PTPN14: variants seen among roughly 807,000 people sequenced by gnomAD.
PTPN14 encodes the protein tyrosine-protein phosphatase non-receptor type 14.
A neutral mutation model predicts 126.8 loss-of-function variants in PTPN14; 53 were observed. The ratio of observed to expected loss-of-function variants is 0.42; its 90% confidence interval spans 0.34 to 0.53. The LOEUF is 0.53. Among genes scored for constraint, PTPN14 ranks in the 20% least tolerant of loss-of-function variants. The probability of loss-of-function intolerance (pLI) is 0.08; values close to 1 mark genes in which losing one functional copy is unlikely to be tolerated. For synonymous variants in PTPN14, 630 were observed against 599.3 expected (o/e 1.05, Z -0.75); for missense variants, 1,257 against 1,552.9 (o/e 0.81, Z 3.20).
At chr1:214,404,294 G>A (rs576541336) in intron 5 of PTPN14, among the ~76,000 whole-genome samples, 16 of 152,276 alleles carry the variant, frequency 1.1e-4, no homozygotes, top group Admixed American at 3.3e-4. Flanking sequence ...TAGAGCAGAC[G>A]GGGAATTATG....
At chr1:214,473,589 G>C (rs1660807346) in intron 1 of PTPN14, among the ~76,000 whole-genome samples, 1 of 152,160 alleles carries the variant, frequency 6.6e-6, no homozygotes, top group Non-Finnish European at 1.5e-5. Flanking sequence ...ATCTCACAGA[G>C]CTATGTAATC....
intron 16 of PTPN14, among the ~76,000 whole-genome samples, chr1:214,371,878 C>T (rs918607255): frequency 6.6e-6 from 1 of 152,128 alleles, no homozygotes; most frequent in Non-Finnish European, 1.5e-5. Flanking sequence ...TGACTTTTTC[C>T]TCCCCAATTT....
chr1:214,408,559 T>G (rs139021722), intron 5 of PTPN14, among the ~76,000 whole-genome samples: 2,606 of 152,302 alleles, frequency 0.017, 82 homozygotes, highest in African/African-American at 0.059. Flanking sequence ...GTGTGCCAGA[T>G]GACAGTGAAG....
chr1:214,398,401 G>A (rs1426775436), intron 7 of PTPN14, among the ~76,000 whole-genome samples: 1 of 152,128 alleles, frequency 6.6e-6, no homozygotes, highest in Non-Finnish European at 1.5e-5. Context: ...CTAAGTTCAA[G>A]GTATCATTGT....
intron 1 of PTPN14, chr1:214,533,490 C>A: frequency 4.2e-6 from 2 of 476,158 alleles, no homozygotes; most frequent in Non-Finnish European, 7.0e-6. Context: ...AAGCAGGGTA[C>A]CCTTTGGGGA....
intron 7 of PTPN14, among the ~76,000 whole-genome samples, chr1:214,400,215 T>G (rs1658983479): frequency 6.6e-6 from 1 of 152,250 alleles, no homozygotes; most frequent in Non-Finnish European, 1.5e-5. Context: ...TTTTCTTGTC[T>G]GCTTTTTCAC....
At chr1:214,410,623 T>C (rs1328446027) in intron 5 of PTPN14, among the ~76,000 whole-genome samples, 2 of 152,224 alleles carry the variant, frequency 1.3e-5, no homozygotes, top group East Asian at 3.8e-4. Flanking sequence ...TTGAATTTAC[T>C]TTTGTACAAA....
At chr1:214,433,927 C>A (rs955241724) in intron 3 of PTPN14, among the ~76,000 whole-genome samples, 1 of 15,532 alleles carries the variant, frequency 6.4e-5, no homozygotes, top group Admixed American at 6.0e-4. Context: ...TATTTCCACA[C>A]ACACACACAC....
chr1:214,496,727 C>A (rs1405587244), intron 1 of PTPN14, among the ~76,000 whole-genome samples: 2 of 152,012 alleles, frequency 1.3e-5, no homozygotes, highest in Non-Finnish European at 2.9e-5. Flanking sequence ...TCCTAAAGAA[C>A]AATTTATCCA....
intron 1 of PTPN14, among the ~76,000 whole-genome samples, chr1:214,517,505 AAAGT>A (rs1368260356): frequency 1.3e-5 from 2 of 151,342 alleles, no homozygotes; most frequent in East Asian, 1.9e-4. Context: ...AAAAAAACAT[AAAGT>A]AAGAAATACC....
chr1:214,496,351 T>C (rs1355905322), intron 1 of PTPN14, among the ~76,000 whole-genome samples: 1 of 152,158 alleles, frequency 6.6e-6, no homozygotes, highest in Non-Finnish European at 1.5e-5. Context: ...GTGTTAGGCT[T>C]AGCCCAGCTC....
At chr1:214,428,863 G>A (rs1659735756) in intron 3 of PTPN14, among the ~76,000 whole-genome samples, 1 of 152,096 alleles carries the variant, frequency 6.6e-6, no homozygotes, top group East Asian at 1.9e-4. Context: ...TTTAAAAATG[G>A]TCTTTGCAGT....
chr1:214,536,556 G>A (rs578212889), intron 1 of PTPN14, among the ~76,000 whole-genome samples: 13 of 151,906 alleles, frequency 8.6e-5, no homozygotes, highest in East Asian at 3.9e-4. Context: ...AAGCTGAGGC[G>A]GGAGGATCAC....
rs1027080561 is a variant in PTPN14 at position 214,357,030 on chromosome 1, A to C, written c.*892T>G. 2.0e-5 allele frequency: 3 copies of C among 152,184 alleles called. No individual in the cohort carries two copies. The highest frequency in any genetic ancestry group is 7.2e-5 in the African/African-American group (3 of 41,430). 9.4% of individuals were successfully genotyped at this position (152,184 alleles called of 1,614,324 possible). A position where few individuals can be genotyped will look rare whatever the true frequency, so the allele number is the denominator to read the frequency against. Reference sequence around the variant, plus strand: ...CTTTCTAGGTCTGCTATCCTCTCTCAATCAGGGTAGAGCCTTAACTGCACA... The same window carrying C: ...CTTTCTAGGTCTGCTATCCTCTCTCCATCAGGGTAGAGCCTTAACTGCACA... On this transcript the variant is annotated 3_prime_UTR_variant, in exon 19 of 19. Coordinates refer to ENST00000366956, the MANE Select transcript of PTPN14 (RefSeq NM_005401.5).
intron 1 of PTPN14, among the ~76,000 whole-genome samples, chr1:214,520,996 G>T (rs1221575347): frequency 6.6e-6 from 1 of 152,074 alleles, no homozygotes; most frequent in East Asian, 1.9e-4. Flanking sequence ...GATTCACAAT[G>T]CCTAACAGCT....
chr1:214,496,186 G>T (rs1056202793), intron 1 of PTPN14, among the ~76,000 whole-genome samples: 1 of 152,120 alleles, frequency 6.6e-6, no homozygotes, highest in African/African-American at 2.4e-5. Flanking sequence ...CTTTTGCTCT[G>T]CAGTATTTAT....
chr1:214,444,704 A>T (rs1237689023), intron 3 of PTPN14, among the ~76,000 whole-genome samples: 3 of 152,134 alleles, frequency 2.0e-5, no homozygotes. Context: ...TCACTTCCTG[A>T]AACCTAGTTT....
intron 1 of PTPN14, among the ~76,000 whole-genome samples, chr1:214,518,062 T>C (rs564173893): frequency 6.6e-6 from 1 of 152,358 alleles, no homozygotes; most frequent in East Asian, 1.9e-4. Flanking sequence ...TATCTTTTCA[T>C]AACCCCTGAG....
rs994739361 is a variant in PTPN14, at chr1:214,356,915, G to A, written c.*1007C>T. Reference sequence around the variant, plus strand: ...ACCTCAACTTTTAGGTCTCTGTCCAGCACACACATCTTATTTAAATAAAAA... The same window carrying A: ...ACCTCAACTTTTAGGTCTCTGTCCAACACACACATCTTATTTAAATAAAAA... On this transcript the variant is annotated 3_prime_UTR_variant, in exon 19 of 19. Transcript: ENST00000366956. 1 of 152,164 alleles carries A rather than the reference G, an allele frequency of 6.6e-6. No individual in the cohort carries two copies. Among genetic ancestry groups the A allele is most frequent in the African/African-American group, 2.4e-5 (1 of 41,420 alleles). 9.4% of individuals were successfully genotyped at this position (152,164 alleles called of 1,614,324 possible). A position where few individuals can be genotyped will look rare whatever the true frequency, so the allele number is the denominator to read the frequency against.
Sources: gnomAD v4.1 joint callset for allele counts (sites outside exome capture counted in the v4.1 genomes callset) on GRCh38, gnomAD v4.1.1 for gene constraint, MANE v1.5 for transcripts, NCBI Gene and HGNC (gene_info 2026-07-23, HGNC 2026-07-21) for gene names.